FAM219A: variants seen among roughly 807,000 people sequenced by gnomAD.
FAM219A encodes the protein protein FAM219A.
In FAM219A, 7 loss-of-function variants were observed where a neutral mutation model predicts 23.4. That is an observed-to-expected ratio of 0.30 (90% CI 0.17 to 0.56). The LOEUF is 0.56. Among genes scored for constraint, FAM219A ranks in the 20% least tolerant of loss-of-function variants. The pLI is 0.92. For synonymous variants in FAM219A, 93 were observed against 99.0 expected (o/e 0.94, Z 0.36); for missense variants, 166 against 246.9 (o/e 0.67, Z 2.20).
intron 1 of FAM219A, among the ~76,000 whole-genome samples, chr9:34,451,252 T>C (rs1319952124): frequency 6.6e-6 from 1 of 152,168 alleles, no homozygotes; most frequent in East Asian, 1.9e-4. Context: ...ATGTGCCAAT[T>C]TCTAAACTCC....
At chr9:34,455,023 A>AG in intron 1 of FAM219A, among the ~76,000 whole-genome samples, 1 of 152,268 alleles carries the variant, frequency 6.6e-6, no homozygotes, top group Middle Eastern at 3.4e-3. Context: ...CCCTCAGTGG[A>AG]GGATCACACT....
At chr9:34,447,364 A>C (rs1310407121) in intron 1 of FAM219A, among the ~76,000 whole-genome samples, 1 of 152,246 alleles carries the variant, frequency 6.6e-6, no homozygotes, top group Non-Finnish European at 1.5e-5. Context: ...TACAATATCA[A>C]TATTATGGGT....
chr9:34,421,022 G>GAGAA lies in FAM219A; in HGVS notation c.61-15059_61-15058insTTCT, dbSNP rs1177957796. Among the ~76,000 whole-genome samples the GAGAA allele has an allele frequency of 2.5e-3, 368 of 146,606 alleles. 4 individuals carry two copies. The highest frequency in any genetic ancestry group is 8.8e-3 in the African/African-American group (349 of 39,780). On this transcript the variant is annotated intron_variant, in intron 1 of 5. Coordinates refer to ENST00000651358, the MANE Select transcript of FAM219A (RefSeq NM_001184940.2). ...TGTGTGTGTGTGTGAGAGAGAGAGAGAGAGAGAGAGAGAGAGAGAGAGAAT... is the reference window on the plus strand; with the variant it reads ...TGTGTGTGTGTGTGAGAGAGAGAGAGAGAAAGAGAGAGAGAGAGAGAGAGAGAAT...
intron 1 of FAM219A, among the ~76,000 whole-genome samples, chr9:34,448,216 T>A (rs1192050720): frequency 6.6e-6 from 1 of 152,180 alleles, no homozygotes; most frequent in Admixed American, 6.5e-5. Flanking sequence ...CTTTAGCCCC[T>A]CAGTGAAACA....
At chr9:34,411,278 G>A (rs1821810137) in intron 1 of FAM219A, among the ~76,000 whole-genome samples, 1 of 152,120 alleles carries the variant, frequency 6.6e-6, no homozygotes, top group Non-Finnish European at 1.5e-5. Flanking sequence ...AGCTGGGCAT[G>A]CTGGCATGCA....
At chr9:34,439,184 G>A (rs952724145) in intron 1 of FAM219A, among the ~76,000 whole-genome samples, 3 of 152,258 alleles carry the variant, frequency 2.0e-5, no homozygotes, top group African/African-American at 4.8e-5. Flanking sequence ...CCGCCTTTAA[G>A]AACTGTAACA....
At chr9:34,441,122 C>A (rs187129480) in intron 1 of FAM219A, among the ~76,000 whole-genome samples, 1 of 152,184 alleles carries the variant, frequency 6.6e-6, no homozygotes, top group South Asian at 2.1e-4. Context: ...CAACCTCTCC[C>A]GGCTTGTAGC....
At chr9:34,450,543 C>T (rs1373153986) in intron 1 of FAM219A, among the ~76,000 whole-genome samples, 8 of 151,874 alleles carry the variant, frequency 5.3e-5, no homozygotes, top group Non-Finnish European at 1.0e-4. Flanking sequence ...CTCAGCCTCC[C>T]GAGTAGCTGG....
intron 1 of FAM219A, chr9:34,406,192 G>A: frequency 1.4e-6 from 1 of 721,226 alleles, no homozygotes; most frequent in Non-Finnish European, 1.7e-6. Context: ...CACCCAACTT[G>A]GTGTCTGTCC....
In FAM219A at chr9:34,456,524, C is replaced by CAAA. The variant is rs1271867471; in HGVS notation, c.60+1679_60+1680insTTT. 5.9e-5 allele frequency among the ~76,000 whole-genome samples: 9 copies of CAAA among 152,336 alleles called. No individual in the cohort carries two copies. The South Asian group carries it at 1.9e-3, about 32-fold the overall frequency. On this transcript the variant is annotated intron_variant, in intron 1 of 5. Transcript: ENST00000651358. ...GCTTCCTTTTCCTGACACACTTGAA[C>CAAA]CTCCTCTTCCTTCATCCACCCTCTA...
At chr9:34,402,239 T>A (rs1409827279) in intron 4 of FAM219A, 148 bp downstream of exon 4, 2 of 1,605,034 alleles carry the variant, frequency 1.2e-6, no homozygotes, top group Non-Finnish European at 8.5e-7. Context: ...TGTAAAAAAA[T>A]TCCCATCCCT....
In FAM219A at chr9:34,438,951, A is replaced by T. The variant is rs561140704; in HGVS notation, c.60+19253T>A. Among the ~76,000 whole-genome samples the T allele has an allele frequency of 2.2e-4, 34 of 152,332 alleles. No homozygotes were observed. The South Asian group carries it at 6.8e-3, about 31-fold the overall frequency. On this transcript the variant is annotated intron_variant, in intron 1 of 5. Coordinates refer to ENST00000651358, the MANE Select transcript of FAM219A (RefSeq NM_001184940.2). The stretch of plus-strand genomic sequence containing the variant: ...TCTTTGGGTCCACACTGCTTTTATG[A>T]GGTGTAACACTCACCGCGAAGGTCT...
intron 1 of FAM219A, among the ~76,000 whole-genome samples, chr9:34,450,550 CT>C (rs1380303371): frequency 2.6e-5 from 4 of 151,974 alleles, no homozygotes; most frequent in Admixed American, 6.6e-5. Context: ...TCCCGAGTAG[CT>C]GGGATTACAG....
chr9:34,446,845 A>G (rs1332587503), intron 1 of FAM219A, among the ~76,000 whole-genome samples: 2 of 152,242 alleles, frequency 1.3e-5, no homozygotes, highest in Non-Finnish European at 2.9e-5. Context: ...ATATCAGTAC[A>G]GAATGGAGGA....
chr9:34,448,150 C>T (rs960140571), intron 1 of FAM219A, among the ~76,000 whole-genome samples: 3 of 152,178 alleles, frequency 2.0e-5, no homozygotes, highest in African/African-American at 7.2e-5. Context: ...GGATTACAGG[C>T]ATGAGCCACT....
rs1306256726 is a variant in FAM219A, at chr9:34,458,369, TC to T, written c.-107del. On this transcript the variant is annotated 5_prime_UTR_variant, in exon 1 of 6. Coordinates refer to ENST00000651358, the MANE Select transcript of FAM219A (RefSeq NM_001184940.2). This position sits in a 1 kb window ranked among gnomAD's most constrained non-coding sequence, Gnocchi z 6.6. ...CCCGGCGGGTGGTGCAGACTAGGCC[TC>T]CCCGGACCACTCGGGCGGGCAGGGG... 111 of 721,028 alleles carry T rather than the reference TC, an allele frequency of 1.5e-4. No homozygotes were observed. In the African/African-American group the frequency reaches 2.0e-3, roughly 13 times the overall value. 44.7% of individuals were successfully genotyped at this position (721,028 alleles called of 1,614,324 possible).
intron 1 of FAM219A, among the ~76,000 whole-genome samples, chr9:34,443,463 GAGA>G (rs950202472): frequency 2.0e-5 from 3 of 152,276 alleles, no homozygotes; most frequent in African/African-American, 4.8e-5. Flanking sequence ...ATTTGGTGAT[GAGA>G]AGAATAACCC....
At position 34,398,422 on chromosome 9, in the gene FAM219A, C is replaced by A; in HGVS notation, c.*2542G>T. 6.6e-7 allele frequency: 1 copy of A among 1,526,584 alleles called. No individual in the cohort carries two copies. The highest frequency in any genetic ancestry group is 8.9e-7 in the Non-Finnish European group (1 of 1,126,088). The allele number at this position is 1,526,584 out of a possible 1,614,324, so 94.6% of individuals were successfully genotyped here. A position where few individuals can be genotyped will look rare whatever the true frequency, so the allele number is the denominator to read the frequency against. On this transcript the variant is annotated 3_prime_UTR_variant, in exon 6 of 6. Transcript: ENST00000651358. ...AGGGGAAGGGTGGCAGGAGGGCAAGCTAAGGCCTAGATTCTTCCCTCCAAC... is the reference window on the plus strand; with the variant it reads ...AGGGGAAGGGTGGCAGGAGGGCAAGATAAGGCCTAGATTCTTCCCTCCAAC...
intron 1 of FAM219A, among the ~76,000 whole-genome samples, chr9:34,410,106 G>GGAAGA (rs779708543): frequency 6.6e-6 from 1 of 152,212 alleles, no homozygotes; most frequent in Non-Finnish European, 1.5e-5. Flanking sequence ...AGGGACATAG[G>GGAAGA]GAAGAGAACA....
Sources: gnomAD v4.1 joint callset for allele counts (sites outside exome capture counted in the v4.1 genomes callset) on GRCh38, gnomAD v4.1.1 for gene constraint, Gnocchi (gnomAD v3.1) non-coding constraint, MANE v1.5 for transcripts, NCBI Gene and HGNC (gene_info 2026-07-23, HGNC 2026-07-21) for gene names.